PARD3: variants seen among roughly 807,000 people sequenced by gnomAD.
PARD3 encodes the protein partitioning defective 3 homolog.
Under a neutral mutation model 155.4 loss-of-function variants are expected in PARD3, and 75 were observed. The ratio of observed to expected loss-of-function variants is 0.48; its 90% CI spans 0.40 to 0.58. The LOEUF (loss-of-function observed/expected upper bound fraction) is 0.58. PARD3 is among the 20% of genes least tolerant of loss of function. The pLI is 0.00. For synonymous variants in PARD3, 576 were observed against 610.5 expected (o/e 0.94, Z 0.83); for missense variants, 1,642 against 1,721.7 (o/e 0.95, Z 0.82).
At chr10:34,665,791 C>T (rs987218481) in intron 2 of PARD3, among the ~76,000 whole-genome samples, 1 of 148,126 alleles carries the variant, frequency 6.8e-6, no homozygotes, top group Non-Finnish European at 1.5e-5. Context: ...TGAGCCAAGA[C>T]GGCGCCACTG....
intron 1 of PARD3, among the ~76,000 whole-genome samples, chr10:34,708,664 G>C (rs1194881536): frequency 2.0e-5 from 3 of 152,128 alleles, no homozygotes; most frequent in Non-Finnish European, 4.4e-5. Context: ...TTTCACTAAA[G>C]TGTACATTAG....
chr10:34,122,720 TAA>T (rs1947073342), intron 23 of PARD3, among the ~76,000 whole-genome samples: 1 of 152,176 alleles, frequency 6.6e-6, no homozygotes, highest in Non-Finnish European at 1.5e-5. Flanking sequence ...AACAACTAAA[TAA>T]GTTCATCCCG....
intron 2 of PARD3, among the ~76,000 whole-genome samples, chr10:34,590,259 G>A (rs543643480): frequency 2.9e-4 from 44 of 152,254 alleles, no homozygotes; most frequent in African/African-American, 6.5e-4. Flanking sequence ...ATGCCCTGCC[G>A]GCCAGCCCAC....
intron 3 of PARD3, among the ~76,000 whole-genome samples, chr10:34,481,051 C>T (rs1365646044): frequency 6.6e-6 from 1 of 152,104 alleles, no homozygotes; most frequent in Non-Finnish European, 1.5e-5. Context: ...ATCCACCCGC[C>T]TCAGCCTCCC....
At chr10:34,372,573 C>T (rs1328087941) in intron 11 of PARD3, 37 bp from the exon 12 acceptor site, 2 of 1,488,048 alleles carry the variant, frequency 1.3e-6, no homozygotes, top group Non-Finnish European at 1.9e-6. Flanking sequence ...TACAGACTGA[C>T]CAAAGCCATC....
intron 1 of PARD3, among the ~76,000 whole-genome samples, chr10:34,773,372 C>T (rs1165545857): frequency 6.6e-6 from 1 of 152,152 alleles, no homozygotes; most frequent in Non-Finnish European, 1.5e-5. Context: ...CTGACTTCAC[C>T]ATTTTCCTCT....
intron 22 of PARD3, among the ~76,000 whole-genome samples, chr10:34,184,504 CG>C (rs1288640418): frequency 6.6e-6 from 1 of 152,044 alleles, no homozygotes; most frequent in East Asian, 1.9e-4. Context: ...ATCCACAAGC[CG>C]GGGGGTATTA....
chr10:34,665,170 G>A (rs531021861), intron 2 of PARD3, among the ~76,000 whole-genome samples: 68 of 152,090 alleles, frequency 4.5e-4, no homozygotes, highest in African/African-American at 1.6e-3. Flanking sequence ...TTTCCAGAAC[G>A]TGTTTATTAA....
At chr10:34,628,359 C>G (rs1294125344) in intron 2 of PARD3, among the ~76,000 whole-genome samples, 2 of 152,228 alleles carry the variant, frequency 1.3e-5, no homozygotes, top group African/African-American at 4.8e-5. Context: ...TGGGAAATCT[C>G]TAATACGTCC....
At chr10:34,181,385 C>T (rs1033397364) in intron 22 of PARD3, among the ~76,000 whole-genome samples, 10 of 152,098 alleles carry the variant, frequency 6.6e-5, no homozygotes, top group African/African-American at 2.2e-4. Flanking sequence ...ATCTGTATAA[C>T]GACCAGTTTG....
Position 34,562,571 on chromosome 10 carries a change from G to A in PARD3, c.223-45412C>T, listed in dbSNP as rs567121949. ...TCTGCTTTTCCATCTTCCAAGCTTC[G>A]TGTCAGAAATTTCATGGGACAATTC... On this transcript the variant is annotated intron_variant, in intron 2 of 24. Coordinates refer to ENST00000374788, the MANE Select transcript of PARD3 (RefSeq NM_001184785.2). Among the ~76,000 whole-genome samples, 10 of 152,204 alleles carry A rather than the reference G, an allele frequency of 6.6e-5. No individual in the cohort carries two copies. The South Asian group carries it at 8.3e-4, about 13-fold the overall frequency.
chr10:34,680,166 T>G (rs1185270142), intron 2 of PARD3, among the ~76,000 whole-genome samples: 1 of 152,114 alleles, frequency 6.6e-6, no homozygotes, highest in African/African-American at 2.4e-5. Flanking sequence ...ATACTATGAA[T>G]ACCTGCAATA....
intron 21 of PARD3, among the ~76,000 whole-genome samples, chr10:34,273,757 T>A (rs751321836): frequency 2.0e-5 from 3 of 152,198 alleles, no homozygotes; most frequent in East Asian, 1.9e-4. Flanking sequence ...AATTGTCACA[T>A]AGCATTACAA....
At chr10:34,478,117 G>A (rs1032041955) in intron 3 of PARD3, among the ~76,000 whole-genome samples, 1 of 152,196 alleles carries the variant, frequency 6.6e-6, no homozygotes, top group Non-Finnish European at 1.5e-5. Flanking sequence ...AAATGACTCA[G>A]AGAGAAGGAT....
chr10:34,698,062 A>G (rs1181936423), intron 1 of PARD3, among the ~76,000 whole-genome samples: 2 of 151,930 alleles, frequency 1.3e-5, no homozygotes, highest in Non-Finnish European at 2.9e-5. Flanking sequence ...CATCCTGCCC[A>G]CCTCTTCCCA....
At position 34,786,893 on chromosome 10, in the gene PARD3, G is replaced by T. The variant is rs183452841; in HGVS notation, c.120+27983C>A. On this transcript the variant is annotated intron_variant, in intron 1 of 24. Coordinates refer to ENST00000374788, the MANE Select transcript of PARD3 (RefSeq NM_001184785.2). The stretch of plus-strand genomic sequence containing the variant: ...AGAGTTCAAAGAGATCATTATTTTA[G>T]GTAGATCAAACAAAAAAACTGGTAG... 3.2e-3 allele frequency among the ~76,000 whole-genome samples: 481 copies of T among 152,184 alleles called. 2 individuals are homozygous for T. The highest frequency in any genetic ancestry group is 0.011 in the African/African-American group (447 of 41,524).
chr10:34,516,090 A>G lies in PARD3; in HGVS notation c.403+889T>C, dbSNP rs146576230. Among the ~76,000 whole-genome samples, 799 of 151,974 alleles carry G rather than the reference A, an allele frequency of 5.3e-3. 6 individuals carry two copies. Among genetic ancestry groups the G allele is most frequent in the African/African-American group, 0.018 (746 of 41,442 alleles). ...AGCAATTCTCCTGTTTCAGCCTCCC[A>G]AGTAGCTGGGATTACAGGCAACCGC... On this transcript the variant is annotated intron_variant, in intron 3 of 24. Coordinates refer to ENST00000374788, the MANE Select transcript of PARD3 (RefSeq NM_001184785.2).
intron 1 of PARD3, among the ~76,000 whole-genome samples, chr10:34,701,624 G>A (rs1479319083): frequency 6.6e-6 from 1 of 152,144 alleles, no homozygotes; most frequent in Non-Finnish European, 1.5e-5. Context: ...GCCAGGCACG[G>A]TAGTTTATGC....
chr10:34,764,320 G>A (rs1022209195), intron 1 of PARD3, among the ~76,000 whole-genome samples: 1 of 152,152 alleles, frequency 6.6e-6, no homozygotes, highest in African/African-American at 2.4e-5. Flanking sequence ...ACACTCACCT[G>A]ACATGTTATG....
Sources: allele counts gnomAD v4.1 joint callset (sites outside exome capture counted in the v4.1 genomes callset), GRCh38; gene constraint gnomAD v4.1.1; transcripts MANE v1.5; gene names NCBI Gene and HGNC (gene_info 2026-07-23, HGNC 2026-07-21).